GPR107: variants seen among roughly 807,000 people sequenced by gnomAD.
GPR107 encodes the protein G protein-coupled receptor 107, also known as protein GPR107.
Under a neutral mutation model 75.5 loss-of-function variants are expected in GPR107, and 31 were observed. The ratio of observed to expected loss-of-function variants is 0.41; its 90% CI spans 0.31 to 0.55. The LOEUF (loss-of-function observed/expected upper bound fraction) is 0.55, where lower values mean the gene tolerates loss of function less well. GPR107 is among the 20% of genes least tolerant of loss of function. The pLI is 0.26. For missense variants in GPR107, 572 were observed against 665.7 expected (o/e 0.86, Z 1.55); for synonymous variants, 267 against 251.3 (o/e 1.06, Z -0.59).
chr9:130,057,385 C>A (rs1386104163), intron 1 of GPR107, among the ~76,000 whole-genome samples: 4 of 151,874 alleles, frequency 2.6e-5, no homozygotes, highest in African/African-American at 9.7e-5. Flanking sequence ...TGGTGCATAC[C>A]TATAGTCCCA....
chr9:130,074,589 GGGGTA>G (rs1184153035), intron 1 of GPR107, among the ~76,000 whole-genome samples: 2 of 152,034 alleles, frequency 1.3e-5, no homozygotes, highest in African/African-American at 4.8e-5. Context: ...TCAAGCAGGT[GGGGTA>G]GGCGTCTGCC....
rs1832048414 is a variant in GPR107, at chr9:130,139,645, G to A, written c.*4524G>A. ...AGTTCTGGCAGCAGGGTGTCTGCAG[G>A]TGGGACGGCGTTCTGGGCAGAGTCA... On this transcript the variant is annotated 3_prime_UTR_variant, in exon 18 of 18. Coordinates refer to ENST00000347136, the MANE Select transcript of GPR107 (RefSeq NM_020960.5). 6.6e-6 allele frequency: 1 copy of A among 152,374 alleles called. No homozygotes were observed. Among genetic ancestry groups the A allele is most frequent in the East Asian group, 1.9e-4 (1 of 5,202 alleles). The allele number at this position is 152,374 out of a possible 1,614,324, so 9.4% of individuals were successfully genotyped here.
intron 1 of GPR107, among the ~76,000 whole-genome samples, chr9:130,069,541 C>T (rs1830148964): frequency 6.6e-6 from 1 of 152,116 alleles, no homozygotes; most frequent in Non-Finnish European, 1.5e-5. Flanking sequence ...ATCTATGCCT[C>T]TATGACTTTT....
intron 1 of GPR107, among the ~76,000 whole-genome samples, chr9:130,062,735 T>A (rs868558818): frequency 2.5e-4 from 38 of 151,346 alleles, no homozygotes; most frequent in Non-Finnish European, 4.3e-4. Context: ...TATTTTTTTT[T>A]AAATAAGAGT....
rs139924420 is a variant in GPR107 at position 130,102,683 on chromosome 9, T to C, written c.1131+1460T>C. ...GCAAAATGGTGTTTCAGGAACACTCTTGGCACGTTGTTCAACACTGGGAAC... is the reference window on the plus strand; with the variant it reads ...GCAAAATGGTGTTTCAGGAACACTCCTGGCACGTTGTTCAACACTGGGAAC... On this transcript the variant is annotated intron_variant, in intron 12 of 17. Coordinates refer to ENST00000347136, the MANE Select transcript of GPR107 (RefSeq NM_020960.5). 1.7e-3 allele frequency among the ~76,000 whole-genome samples: 262 copies of C among 152,308 alleles called. 3 individuals carry two copies. The highest frequency in any genetic ancestry group is 6.0e-3 in the African/African-American group (249 of 41,572).
Position 130,115,170 on chromosome 9 carries a change from A to G in GPR107, c.1306+7631A>G, listed in dbSNP as rs182545580. Among the ~76,000 whole-genome samples, 316 of 152,316 alleles carry G rather than the reference A, an allele frequency of 2.1e-3. 1 individual carries two copies. The highest frequency in any genetic ancestry group is 7.0e-3 in the African/African-American group (289 of 41,572). On this transcript the variant is annotated intron_variant, in intron 14 of 17. Coordinates refer to ENST00000347136, the MANE Select transcript of GPR107 (RefSeq NM_020960.5). ...GAATAATAGACCTATTTGAGAATCT[A>G]GTGAGAGATATAGACTTCCCATGTC...
chr9:130,121,402 G>A (rs904876010), intron 14 of GPR107, among the ~76,000 whole-genome samples: 4 of 152,142 alleles, frequency 2.6e-5, no homozygotes, highest in African/African-American at 4.8e-5. Context: ...GTGTTGGGCC[G>A]CATTCAAAGC....
chr9:130,090,911 C>T lies in GPR107; in HGVS notation c.657C>T (p.Gly219=), dbSNP rs1338268328. ...ACATCAGCACTGATGACCAAGAAGG[C>T]CTTTACAGTCTTTATTTTCATAAAT... ...FFNISTDDQE[G]LYSLYFHKCL... is the part of the protein sequence containing the mutation. Residue 219 remains glycine, a synonymous_variant, in exon 8 of 18, where the codon GGC becomes GGT. Transcript: ENST00000347136. The T allele has an allele frequency of 4.6e-6, 7 of 1,535,838 alleles. No individual in the cohort carries two copies. The highest frequency in any genetic ancestry group is 6.3e-6 in the Non-Finnish European group (7 of 1,109,556).
intron 17 of GPR107, among the ~76,000 whole-genome samples, chr9:130,133,762 T>C (rs1395888460): frequency 2.0e-5 from 3 of 152,216 alleles, no homozygotes; most frequent in Non-Finnish European, 4.4e-5. Context: ...GTCCCAACTT[T>C]GCCATAAGTA....
At chr9:130,072,012 T>A (rs1030601733) in intron 1 of GPR107, among the ~76,000 whole-genome samples, 1 of 151,304 alleles carries the variant, frequency 6.6e-6, no homozygotes, top group African/African-American at 2.4e-5. Flanking sequence ...TTGCTCTGTT[T>A]CCCAGACTGG....
chr9:130,062,941 G>A (rs1564657861), intron 1 of GPR107, among the ~76,000 whole-genome samples: 1 of 152,050 alleles, frequency 6.6e-6, no homozygotes, highest in Admixed American at 6.6e-5. Context: ...CTTTGTCCAG[G>A]CTGGTCTTGA....
rs1162237838 is a variant in GPR107 at position 130,079,662 on chromosome 9, C to T, written c.419C>T (p.Thr140Ile). The change falls in exon 5 of 18, where the codon ACC becomes ATC. Residue 140 changes from threonine to isoleucine, a missense_variant. Thr to Ile is a moderately conservative substitution (Grantham distance 89). Coordinates refer to ENST00000347136, the MANE Select transcript of GPR107 (RefSeq NM_020960.5). Reference protein sequence around the residue: ...VRVKSPPEAGTQLPKIIFSRD... With the variant: ...VRVKSPPEAGIQLPKIIFSRD... ...GTAAAGTCTCCACCAGAAGCTGGTA[C>T]CCAGTTACCAAAGATCATCTTCAGC... is the stretch of plus-strand genomic sequence containing the variant. 1 of 1,612,312 alleles carries T rather than the reference C, an allele frequency of 6.2e-7. No homozygotes were observed. Among genetic ancestry groups the T allele is most frequent in the African/African-American group, 1.3e-5 (1 of 75,030 alleles).
chr9:130,097,860 C>T (rs1048182008), intron 9 of GPR107, among the ~76,000 whole-genome samples: 11 of 151,710 alleles, frequency 7.3e-5, no homozygotes, highest in African/African-American at 2.7e-4. Context: ...GGACGCACCA[C>T]CACTCCTGGC....
chr9:130,113,460 A>G (rs1831353560), intron 14 of GPR107, among the ~76,000 whole-genome samples: 1 of 151,920 alleles, frequency 6.6e-6, no homozygotes, highest in Non-Finnish European at 1.5e-5. Flanking sequence ...TCAAACTCTG[A>G]CCTCAAGTGA....
At chr9:130,077,077 G>A (rs1173768420) in intron 3 of GPR107, among the ~76,000 whole-genome samples, 3 of 151,640 alleles carry the variant, frequency 2.0e-5, no homozygotes, top group East Asian at 2.0e-4. Flanking sequence ...TAGTAGAGAC[G>A]TGGTTTCACC....
chr9:130,092,014 A>G (rs1186755598), intron 8 of GPR107, among the ~76,000 whole-genome samples: 1 of 149,822 alleles, frequency 6.7e-6, no homozygotes, highest in South Asian at 2.1e-4. Context: ...TTGTGTTTTT[A>G]GTAGAGACGG....
In GPR107 at chr9:130,135,273, G is replaced by T; in HGVS notation, c.*152G>T. The T allele has an allele frequency of 8.0e-6, 4 of 497,920 alleles. No homozygotes were observed. Among genetic ancestry groups the T allele is most frequent in the East Asian group, 3.5e-5 (1 of 28,414 alleles). 30.8% of individuals were successfully genotyped at this position (497,920 alleles called of 1,614,324 possible). A position where few individuals can be genotyped will look rare whatever the true frequency, so the allele number is the denominator to read the frequency against. ...CTGGAGCACAGTGCCGCGGAAACCT[G>T]ATTTTGTACTCTCTTTTATGGAAAC... On this transcript the variant is annotated 3_prime_UTR_variant, in exon 18 of 18. Coordinates refer to ENST00000347136, the MANE Select transcript of GPR107 (RefSeq NM_020960.5).
At chr9:130,066,790 C>T (rs1830079356) in intron 1 of GPR107, among the ~76,000 whole-genome samples, 1 of 152,120 alleles carries the variant, frequency 6.6e-6, no homozygotes, top group African/African-American at 2.4e-5. Context: ...TCGAGACCAT[C>T]CTGGCTAACA....
At chr9:130,093,582 G>A (rs1344245807) in intron 9 of GPR107, among the ~76,000 whole-genome samples, 1 of 152,112 alleles carries the variant, frequency 6.6e-6, no homozygotes, top group African/African-American at 2.4e-5. Context: ...GTACCTATTT[G>A]TTGTGATATC....
Sources: allele counts gnomAD v4.1 joint callset (sites outside exome capture counted in the v4.1 genomes callset), GRCh38; gene constraint gnomAD v4.1.1; transcripts MANE v1.5; gene names NCBI Gene and HGNC (gene_info 2026-07-23, HGNC 2026-07-21).